Variants in CFI observed in about 807,000 individuals in gnomAD.
CFI encodes C3B/C4B inactivator.
CFI carries 66 observed loss-of-function variants against 78.8 expected under a neutral mutation model. The ratio of observed to expected loss-of-function variants is 0.84; its 90% CI spans 0.69 to 1.03. The LOEUF is 1.03. Ranked by LOEUF, CFI falls within the 50% of genes least tolerant of loss-of-function variation. CFI has a pLI of 0.00. For synonymous variants in CFI, 250 were observed against 232.6 expected (o/e 1.07, Z -0.68); for missense variants, 706 against 704.5 (o/e 1.00, Z -0.02).
chr4:109,797,176 A>G (rs1732159180), intron 1 of CFI, among the ~76,000 whole-genome samples: 1 of 152,262 alleles, frequency 6.6e-6, no homozygotes, highest in South Asian at 2.1e-4. Context: ...ATTTCAAAAA[A>G]TATCACAAAG....
chr4:109,757,369 A>G (rs972635480), intron 7 of CFI, among the ~76,000 whole-genome samples: 4 of 152,292 alleles, frequency 2.6e-5, no homozygotes, highest in Non-Finnish European at 5.9e-5. Flanking sequence ...GTGGTCCCAA[A>G]GAGCTAGAGC....
intron 1 of CFI, among the ~76,000 whole-genome samples, chr4:109,784,994 A>C (rs1375925575): frequency 6.6e-6 from 1 of 151,948 alleles, no homozygotes; most frequent in Non-Finnish European, 1.5e-5. Flanking sequence ...CACCCTTGCG[A>C]TAATGTACTT....
intron 1 of CFI, chr4:109,794,537 A>T (rs964425563): frequency 6.6e-6 from 1 of 152,178 alleles, no homozygotes; most frequent in African/African-American, 2.4e-5. Flanking sequence ...CATACCTGTA[A>T]TCCCAGCACT....
chr4:109,772,413 G>A (rs11721403), intron 1 of CFI, among the ~76,000 whole-genome samples: 71,133 of 152,160 alleles, frequency 0.47, 19,637 homozygotes, highest in Non-Finnish European at 0.62. Flanking sequence ...ATGTACACCT[G>A]TGTTTTGAAT....
At chr4:109,773,089 C>A (rs905450625) in intron 1 of CFI, among the ~76,000 whole-genome samples, 2 of 152,152 alleles carry the variant, frequency 1.3e-5, no homozygotes, top group South Asian at 2.1e-4. Context: ...AACAACCCAA[C>A]TTTCTCTTCC....
At chr4:109,757,631 A>G (rs1726485930) in intron 7 of CFI, 132 bp downstream of exon 7, 1 of 622,168 alleles carries the variant, frequency 1.6e-6, no homozygotes, top group African/African-American at 1.9e-5. Flanking sequence ...GCCTAAACTA[A>G]TGTTCAGGCT....
intron 6 of CFI, among the ~76,000 whole-genome samples, chr4:109,758,161 A>T (rs1726560795): frequency 6.6e-6 from 1 of 151,980 alleles, no homozygotes. Context: ...AACAGATTTT[A>T]AAAAGATAAA....
intron 1 of CFI, among the ~76,000 whole-genome samples, chr4:109,770,576 A>C (rs1728450777): frequency 6.6e-6 from 1 of 151,626 alleles, no homozygotes. Flanking sequence ...AAAAGAAAAA[A>C]AAAGAAACCG....
chr4:109,771,201 C>T (rs902944307), intron 1 of CFI, among the ~76,000 whole-genome samples: 9 of 150,852 alleles, frequency 6.0e-5, no homozygotes, highest in African/African-American at 1.7e-4. Flanking sequence ...ACCAGCCAGG[C>T]CAGCATGGTG....
intron 1 of CFI, among the ~76,000 whole-genome samples, chr4:109,796,111 G>A (rs1441561862): frequency 6.6e-6 from 1 of 152,070 alleles, no homozygotes; most frequent in Non-Finnish European, 1.5e-5. Flanking sequence ...AACGAGAAAA[G>A]CAACTTGTCA....
rs1727794041 is a variant in CFI, at chr4:109,766,660, C to T, written c.222G>A (p.Val74=). The T allele has an allele frequency of 6.2e-7, 1 of 1,614,070 alleles. No homozygotes were observed. The highest frequency in any genetic ancestry group is 1.3e-5 in the African/African-American group (1 of 74,916). The change falls in exon 2 of 13, where the codon GTG becomes GTA. Residue 74 remains valine (V), a synonymous_variant. Coordinates refer to ENST00000394634, the MANE Select transcript of CFI (RefSeq NM_000204.5). ...GGAAGCTTCTCCTGTTAGTTGCACACACTGCAGTGCCATTCTTTGGGCACT... is the reference window on the plus strand; with the variant it reads ...GGAAGCTTCTCCTGTTAGTTGCACATACTGCAGTGCCATTCTTTGGGCACT... ...PYQCPKNGTA[V]CATNRRSFPT...
intron 1 of CFI, among the ~76,000 whole-genome samples, chr4:109,767,659 T>A (rs7673526): frequency 6.8e-6 from 1 of 147,542 alleles, no homozygotes; most frequent in East Asian, 2.0e-4. Flanking sequence ...TGTGGAGCAA[T>A]AGGAACACTT....
At chr4:109,767,724 C>T (rs1002457700) in intron 1 of CFI, among the ~76,000 whole-genome samples, 5 of 151,080 alleles carry the variant, frequency 3.3e-5, no homozygotes, top group South Asian at 2.1e-4. Flanking sequence ...GTCAGTGTGG[C>T]GATTCCTCAG....
At chr4:109,739,787 C>T (rs969448380), downstream of CFI, among the ~76,000 whole-genome samples, 2 of 151,994 alleles carry the variant, frequency 1.3e-5, no homozygotes, top group African/African-American at 4.8e-5. Flanking sequence ...AGAGAAGCAA[C>T]CAGAAGGAAG....
intron 1 of CFI, among the ~76,000 whole-genome samples, chr4:109,780,993 G>C (rs963418883): frequency 6.6e-6 from 1 of 152,168 alleles, no homozygotes; most frequent in Non-Finnish European, 1.5e-5. Context: ...ACTGGGGCCT[G>C]TCATGGGGTC....
At chr4:109,769,052 G>A (rs1306223767) in intron 1 of CFI, among the ~76,000 whole-genome samples, 3 of 152,078 alleles carry the variant, frequency 2.0e-5, no homozygotes, top group African/African-American at 7.2e-5. Context: ...TTTCTCTCCT[G>A]TATCTTCCAC....
the CFI span, among the ~76,000 whole-genome samples, chr4:109,733,201 G>A: frequency 2.0e-5 from 3 of 152,130 alleles, no homozygotes; most frequent in Admixed American, 2.0e-4. Flanking sequence ...TCGAACTCCT[G>A]ACCTCAAGTC....
intron 1 of CFI, among the ~76,000 whole-genome samples, chr4:109,773,720 C>T (rs1301136267): frequency 6.6e-6 from 1 of 152,100 alleles, no homozygotes; most frequent in Non-Finnish European, 1.5e-5. Flanking sequence ...ACTGGGTTGG[C>T]TGTTAAGAGC....
At chr4:109,759,128 A>G (rs1418763724) in intron 6 of CFI, among the ~76,000 whole-genome samples, 1 of 152,130 alleles carries the variant, frequency 6.6e-6, no homozygotes, top group Non-Finnish European at 1.5e-5. Flanking sequence ...TGCCTAAAAT[A>G]TTAAACCTTG....
Sources: allele counts gnomAD v4.1 joint callset (sites outside exome capture counted in the v4.1 genomes callset), GRCh38; gene constraint gnomAD v4.1.1; transcripts MANE v1.5; gene names NCBI Gene and HGNC (gene_info 2026-07-23, HGNC 2026-07-21).